STOML1: variants seen among roughly 807,000 people sequenced by gnomAD.
The protein encoded by STOML1 is stomatin-like protein 1.
In STOML1, 27 loss-of-function variants were observed where a neutral mutation model predicts 35.7. The observed-to-expected ratio is 0.76, with a 90% CI of 0.56 to 1.04. The LOEUF (loss-of-function observed/expected upper bound fraction) is 1.04. Ranked by LOEUF, STOML1 falls within the 50% of genes least tolerant of loss-of-function variation. The probability of loss-of-function intolerance (pLI) is 0.00; values close to 1 mark genes in which losing one functional copy is unlikely to be tolerated. For missense variants in STOML1, 451 were observed against 527.1 expected, an observed-to-expected ratio of 0.86 and a Z score of 1.41; for synonymous variants, 219 against 227.9, an observed-to-expected ratio of 0.96 and a Z score of 0.35.
intron 4 of STOML1, chr15:73,987,039 G>C (rs1274034663): frequency 6.5e-6 from 1 of 154,282 alleles, no homozygotes; most frequent in Non-Finnish European, 1.4e-5. Flanking sequence ...GAGGCAGGTG[G>C]GTTTGAAGGG....
Position 73,984,687 on chromosome 15 carries a change from T to C in STOML1, c.975A>G (p.Gln325=). The part of the protein sequence containing the change: ...QFNVVLPSGT[Q]SAYFLDLTTG... The stretch of plus-strand genomic sequence containing the variant: ...TAGTGAGGTCCAGGAAGTAGGCGCT[T>C]TGGGTGCCGCTGGGCAGGACGACAT... The change falls in exon 6 of 7, where the codon CAA becomes CAG. Residue 325 remains glutamine (Q), a synonymous_variant. Coordinates refer to ENST00000541638, the MANE Select transcript of STOML1 (RefSeq NM_004809.5). 1 of 1,614,026 alleles carries C rather than the reference T, an allele frequency of 6.2e-7. No individual in the cohort carries two copies. Among genetic ancestry groups the C allele is most frequent in the South Asian group, 1.1e-5 (1 of 91,074 alleles).
intron 6 of STOML1, 147 bp downstream of exon 6, chr15:73,984,511 TG>T: frequency 1.1e-6 from 1 of 940,606 alleles, no homozygotes; most frequent in Non-Finnish European, 1.6e-6. Context: ...AGTTAATGCC[TG>T]GAAATGGTGT....
rs1358777091 is a variant in STOML1, at chr15:73,979,004, A to T, written c.*4933T>A. The stretch of plus-strand genomic sequence containing the variant: ...TGTTCATCAATGGATGAATGAATAC[A>T]TTGTGCCTCTATCTAGACAATGGAA... On this transcript the variant is annotated 3_prime_UTR_variant, in exon 7 of 7. Coordinates refer to ENST00000541638, the MANE Select transcript of STOML1 (RefSeq NM_004809.5). The T allele has an allele frequency of 6.6e-6, 1 of 152,236 alleles. No homozygotes were observed. Among genetic ancestry groups the T allele is most frequent in the Non-Finnish European group, 1.5e-5 (1 of 68,044 alleles). 9.4% of individuals were successfully genotyped at this position (152,236 alleles called of 1,614,324 possible).
intron 4 of STOML1, chr15:73,985,927 T>G: frequency 5.4e-6 from 1 of 185,268 alleles, no homozygotes; most frequent in Non-Finnish European, 1.1e-5. Context: ...TTCTGCTTAC[T>G]TTGATTTATT....
chr15:73,992,345 G>T (rs2069311267), upstream of STOML1: 40 of 1,230,604 alleles, frequency 3.3e-5, no homozygotes, highest in Non-Finnish European at 4.1e-5. Context: ...ACCCGCGGCG[G>T]CGCGGGCGCA....
intron 4 of STOML1, chr15:73,986,057 G>C (rs569495850): frequency 1.3e-5 from 2 of 156,628 alleles, no homozygotes; most frequent in East Asian, 3.9e-4. Context: ...TGAGGGGAGG[G>C]ATGGAGACCA....
At chr15:73,992,895 C>T (rs1163019086), upstream of STOML1, among the ~76,000 whole-genome samples, 1 of 152,180 alleles carries the variant, frequency 6.6e-6, no homozygotes, top group Admixed American at 6.5e-5. Flanking sequence ...GGAGGCAGGA[C>T]ATGCCATATC....
At position 73,981,971 on chromosome 15, in the gene STOML1, T is replaced by C. The variant is rs1262816330; in HGVS notation, c.*1966A>G. On this transcript the variant is annotated 3_prime_UTR_variant, in exon 7 of 7. Transcript: ENST00000541638. ...CCTAAACGTTATGTTGATCTTCCCA[T>C]GCTCACAAAGAAGAGTTTGGGTTTC... 1.3e-5 allele frequency: 2 copies of C among 152,300 alleles called. No individual in the cohort carries two copies. Among genetic ancestry groups the C allele is most frequent in the Non-Finnish European group, 2.9e-5 (2 of 68,096 alleles). The allele number at this position is 152,300 out of a possible 1,614,324, so 9.4% of individuals were successfully genotyped here.
intron 6 of STOML1, 124 bp downstream of exon 6, chr15:73,984,535 C>A: frequency 8.6e-7 from 1 of 1,156,942 alleles, no homozygotes. Context: ...GAGCCCCTGC[C>A]TGCCATGGGT....
rs759648682 is a variant in STOML1, at chr15:73,988,578, G to A, written c.594+21C>T. ...AGGCCGGTGCCACCCCTCAAGCTCC[G>A]TCTTGTGAGGGGCTGCCTACCAGAA... On this transcript the variant is annotated intron_variant, in intron 4 of 6. Coordinates refer to ENST00000541638, the MANE Select transcript of STOML1 (RefSeq NM_004809.5). The surrounding 1 kb of genome is among the most constrained non-coding windows in gnomAD (Gnocchi z 4.8). The A allele has an allele frequency of 6.4e-5, 103 of 1,613,882 alleles. No individual in the cohort carries two copies. The African/African-American group carries it at 9.2e-4, about 14-fold the overall frequency.
chr15:73,988,561 G>T lies in STOML1; in HGVS notation c.594+38C>A. On this transcript the variant is annotated intron_variant, in intron 4 of 6. Coordinates refer to ENST00000541638, the MANE Select transcript of STOML1 (RefSeq NM_004809.5). This position sits in a 1 kb window ranked among gnomAD's most constrained non-coding sequence, Gnocchi z 4.8. ...ACCTGGCAGGTGGAGCCAGGCCGGT[G>T]CCACCCCTCAAGCTCCGTCTTGTGA... is the stretch of plus-strand genomic sequence containing the variant. 1 of 1,611,752 alleles carries T rather than the reference G, an allele frequency of 6.2e-7. No individual in the cohort carries two copies.
In STOML1 at chr15:73,980,701, ATT is replaced by A. The variant is rs2068950795; in HGVS notation, c.*3234_*3235del. On this transcript the variant is annotated 3_prime_UTR_variant, in exon 7 of 7. Coordinates refer to ENST00000541638, the MANE Select transcript of STOML1 (RefSeq NM_004809.5). ...CATGGGAAATATGTGTGGAGGGAGA[ATT>A]TTCATAATATGCTTTCCTATCTTTT... 1 of 152,136 alleles carries A rather than the reference ATT, an allele frequency of 6.6e-6. No homozygotes were observed. The highest frequency in any genetic ancestry group is 2.1e-4 in the South Asian group (1 of 4,836). 9.4% of individuals were successfully genotyped at this position (152,136 alleles called of 1,614,324 possible). A position where few individuals can be genotyped will look rare whatever the true frequency, so the allele number is the denominator to read the frequency against.
Position 73,980,214 on chromosome 15 carries a change from C to T in STOML1, c.*3723G>A, listed in dbSNP as rs2068946373. The T allele has an allele frequency of 6.6e-6, 1 of 152,084 alleles. No homozygotes were observed. Among genetic ancestry groups the T allele is most frequent in the Non-Finnish European group, 1.5e-5 (1 of 68,012 alleles). The allele number at this position is 152,084 out of a possible 1,614,324, so 9.4% of individuals were successfully genotyped here. A position where few individuals can be genotyped will look rare whatever the true frequency, so the allele number is the denominator to read the frequency against. On this transcript the variant is annotated 3_prime_UTR_variant, in exon 7 of 7. Transcript: ENST00000541638. ...CAATGGGAGTGTAAATTGGTATAAT[C>T]CCCAGAGAAGGTATTCTGGCAATAT... is the stretch of plus-strand genomic sequence containing the variant.
Position 73,988,842 on chromosome 15 carries a change from TG to T in STOML1, c.391-41del. On this transcript the variant is annotated intron_variant, in intron 3 of 6. Transcript: ENST00000541638. The surrounding 1 kb of genome is among the most constrained non-coding windows in gnomAD (Gnocchi z 4.8). ...CATGAGAGAGAGACACTCAAGGGGCTGGGGGTGCAGGGAGGTCAGGCCCACT... is the reference window on the plus strand; with the variant it reads ...CATGAGAGAGAGACACTCAAGGGGCTGGGGTGCAGGGAGGTCAGGCCCACT... 2 of 1,592,282 alleles carry T rather than the reference TG, an allele frequency of 1.3e-6. No homozygotes were observed. The highest frequency in any genetic ancestry group is 1.7e-6 in the Non-Finnish European group (2 of 1,164,500).
rs978392021 is a variant in STOML1 at position 73,980,916 on chromosome 15, C to A, written c.*3021G>T. 5.3e-5 allele frequency: 8 copies of A among 152,072 alleles called. No homozygotes were observed. Among genetic ancestry groups the A allele is most frequent in the African/African-American group, 1.7e-4 (7 of 41,382 alleles). The allele number at this position is 152,072 out of a possible 1,614,324, so 9.4% of individuals were successfully genotyped here. ...TTTAAAAATTAGCCGGTTGTGGTGG[C>A]ACAACCTGTGGTCCCAGCTACTCAG... On this transcript the variant is annotated 3_prime_UTR_variant, in exon 7 of 7. Coordinates refer to ENST00000541638, the MANE Select transcript of STOML1 (RefSeq NM_004809.5).
chr15:73,990,953 G>A (rs1386976497), intron 1 of STOML1: 2 of 1,477,312 alleles, frequency 1.4e-6, no homozygotes, highest in East Asian at 5.0e-5. Context: ...AGCCTACAGG[G>A]ATAAATCATA....
chr15:73,991,770 T>C lies in STOML1; in HGVS notation c.133+321A>G, dbSNP rs1460247251. The stretch of plus-strand genomic sequence containing the variant: ...CCTCTGCCTAGACCTCGGTTTCTTC[T>C]ATGCGAAATAGAAACCTGAAACGTC... On this transcript the variant is annotated intron_variant, in intron 1 of 6. Coordinates refer to ENST00000541638, the MANE Select transcript of STOML1 (RefSeq NM_004809.5). 7.2e-6 allele frequency: 4 copies of C among 554,776 alleles called. No individual in the cohort carries two copies. In the Admixed American group the frequency reaches 9.7e-5, roughly 13 times the overall value. The allele number at this position is 554,776 out of a possible 1,614,324, so 34.4% of individuals were successfully genotyped here. A position where few individuals can be genotyped will look rare whatever the true frequency, so the allele number is the denominator to read the frequency against.
Position 73,988,763 on chromosome 15 carries a change from C to A in STOML1, c.430G>T (p.Asp144Tyr). Residue 144 changes from aspartate (D) to tyrosine (Y), a missense_variant, in exon 4 of 7, where the codon GAT becomes TAT. Asp to Tyr is a radical substitution (Grantham distance 160, BLOSUM62 -3). Coordinates refer to ENST00000541638, the MANE Select transcript of STOML1 (RefSeq NM_004809.5). The surrounding 1 kb of genome is among the most constrained non-coding windows in gnomAD (Gnocchi z 4.8). ...GGGTCCCAGATGCGAAACTGGACAT[C>A]GGCTCCCACGGACAGCACAGCCCCG... ...KDGAVLSVGA[D>Y]VQFRIWDPVL... 1 of 1,614,190 alleles carries A rather than the reference C, an allele frequency of 6.2e-7. No individual in the cohort carries two copies. The highest frequency in any genetic ancestry group is 8.5e-7 in the Non-Finnish European group (1 of 1,180,032).
chr15:73,991,774 C>A, intron 1 of STOML1: 1 of 559,566 alleles, frequency 1.8e-6, no homozygotes, highest in South Asian at 1.6e-5. Flanking sequence ...TTCTTCTATG[C>A]GAAATAGAAA....
Sources: allele counts gnomAD v4.1 joint callset (sites outside exome capture counted in the v4.1 genomes callset), GRCh38; gene constraint gnomAD v4.1.1; non-coding constraint Gnocchi (gnomAD v3.1); transcripts MANE v1.5; gene names NCBI Gene and HGNC (gene_info 2026-07-23, HGNC 2026-07-21).